Variants in CRACD observed in about 807,000 individuals in gnomAD.
The protein encoded by CRACD is capping protein inhibiting regulator of actin dynamics.
Under a neutral mutation model 106.8 loss-of-function variants are expected in CRACD, and 56 were observed. The observed-to-expected ratio is 0.52, with a 90% confidence interval of 0.42 to 0.66. The LOEUF (loss-of-function observed/expected upper bound fraction) is 0.66. CRACD is among the 30% of genes least tolerant of loss of function. CRACD has a pLI of 0.00. For missense variants in CRACD, 1,730 were observed against 1,623.2 expected, an observed-to-expected ratio of 1.07 and a Z score of -1.13; for synonymous variants, 754 against 670.8, an observed-to-expected ratio of 1.12 and a Z score of -1.92.
intron 3 of CRACD, among the ~76,000 whole-genome samples, chr4:56,282,838 T>A (rs924373445): frequency 4.6e-5 from 7 of 152,214 alleles, no homozygotes; most frequent in African/African-American, 7.2e-5. Flanking sequence ...CCAAACTGCC[T>A]CTTGCTTTTC....
chr4:56,256,265 G>C (rs1741354238), intron 2 of CRACD, among the ~76,000 whole-genome samples: 1 of 152,106 alleles, frequency 6.6e-6, no homozygotes, highest in Non-Finnish European at 1.5e-5. Context: ...GAGGTCAGAT[G>C]GTTTTATAAA....
intron 1 of CRACD, among the ~76,000 whole-genome samples, chr4:56,098,515 A>G (rs1302495405): frequency 6.6e-6 from 1 of 152,172 alleles, no homozygotes; most frequent in Non-Finnish European, 1.5e-5. Context: ...GGTTTTTCTG[A>G]TGTACTCTGT....
chr4:56,294,297 A>G (rs181297072), intron 3 of CRACD, among the ~76,000 whole-genome samples: 1 of 152,138 alleles, frequency 6.6e-6, no homozygotes, highest in Non-Finnish European at 1.5e-5. Flanking sequence ...TGGTTATAAG[A>G]TCAATATATA....
intron 2 of CRACD, among the ~76,000 whole-genome samples, chr4:56,271,102 T>C (rs1489395656): frequency 2.3e-5 from 3 of 132,548 alleles, no homozygotes; most frequent in Non-Finnish European, 4.7e-5. Flanking sequence ...TGAAACTCCA[T>C]CTCAAAAAAA....
intron 1 of CRACD, among the ~76,000 whole-genome samples, chr4:56,144,957 T>C (rs1387997054): frequency 1.3e-5 from 2 of 151,800 alleles, no homozygotes; most frequent in African/African-American, 2.4e-5. Context: ...CCCAGCTAAT[T>C]TTGTGTTTTT....
chr4:56,178,288 C>A (rs976120499), intron 1 of CRACD, among the ~76,000 whole-genome samples: 1 of 152,166 alleles, frequency 6.6e-6, no homozygotes, highest in Non-Finnish European at 1.5e-5. Context: ...AAGGTCCGTT[C>A]ACTTTATGTT....
intron 1 of CRACD, among the ~76,000 whole-genome samples, chr4:56,093,979 G>T (rs750490979): frequency 3.1e-4 from 47 of 152,248 alleles, no homozygotes; most frequent in Non-Finnish European, 5.4e-4. Flanking sequence ...AATTTAAATT[G>T]TTATCACTTG....
At chr4:56,100,895 G>C (rs1368219691) in intron 1 of CRACD, among the ~76,000 whole-genome samples, 1 of 152,188 alleles carries the variant, frequency 6.6e-6, no homozygotes, top group Non-Finnish European at 1.5e-5. Context: ...TCAAGTGTGA[G>C]CAAGAGAATG....
chr4:56,310,661 T>G lies in CRACD; in HGVS notation c.286-5T>G, dbSNP rs1217358475. On this transcript the variant is annotated splice_polypyrimidine_tract_variant and splice_region_variant and intron_variant, in intron 5 of 10. Coordinates refer to ENST00000682029, the MANE Select transcript of CRACD (RefSeq NM_001393381.1). ...TTTGACTTGAATGCTCTCTTACTGT[T>G]CCAGTCCAGTGATACGCCAAGTTCT... is the stretch of plus-strand genomic sequence containing the variant. The G allele has an allele frequency of 6.2e-7, 1 of 1,603,954 alleles. No individual in the cohort carries two copies. The highest frequency in any genetic ancestry group is 1.7e-5 in the Admixed American group (1 of 60,008).
intron 1 of CRACD, among the ~76,000 whole-genome samples, chr4:56,173,651 A>G (rs751558417): frequency 3.3e-5 from 5 of 152,258 alleles, no homozygotes; most frequent in African/African-American, 7.2e-5. Flanking sequence ...TATGGATTCC[A>G]TATTTGTCAA....
chr4:56,276,564 T>G (rs535273333), intron 3 of CRACD, among the ~76,000 whole-genome samples: 2 of 152,342 alleles, frequency 1.3e-5, no homozygotes, highest in African/African-American at 4.8e-5. Context: ...ATTGATATTA[T>G]TATCAACAGT....
intron 1 of CRACD, among the ~76,000 whole-genome samples, chr4:56,070,343 T>A (rs56389699): frequency 3.4e-5 from 5 of 148,732 alleles, no homozygotes; most frequent in African/African-American, 7.5e-5. Context: ...TCTGTCGCCC[T>A]GGCTGGAGTA....
At chr4:56,269,546 C>T (rs796958034) in intron 2 of CRACD, among the ~76,000 whole-genome samples, 12 of 145,200 alleles carry the variant, frequency 8.3e-5, no homozygotes, top group East Asian at 8.1e-4. Context: ...GGAGCAAGGT[C>T]GGGGGAGGTG....
In CRACD at chr4:56,104,248, T is replaced by G. The variant is rs549132064; in HGVS notation, c.-336+54949T>G. ...CTCACATCTACAAAAAATAAAAAAA[T>G]TAACTGGACATGGCATGCGCCTATA... On this transcript the variant is annotated intron_variant, in intron 1 of 10. Transcript: ENST00000682029. Among the ~76,000 whole-genome samples the G allele has an allele frequency of 1.4e-3, 219 of 152,100 alleles. 2 individuals carry two copies. Among genetic ancestry groups the G allele is most frequent in the Non-Finnish European group, 2.7e-3 (183 of 68,006 alleles).
intron 2 of CRACD, among the ~76,000 whole-genome samples, chr4:56,224,805 C>T (rs1739214758): frequency 6.6e-6 from 1 of 152,208 alleles, no homozygotes; most frequent in South Asian, 2.1e-4. Flanking sequence ...CACATAGTGT[C>T]TTTTGGCTTA....
At chr4:56,170,142 C>CA (rs1736304879) in intron 1 of CRACD, 1 of 152,418 alleles carries the variant, frequency 6.6e-6, no homozygotes, top group African/African-American at 2.4e-5. Context: ...CGAATGCCGA[C>CA]ATCACAAACA....
chr4:56,288,340 C>T, intron 3 of CRACD: 2 of 303,882 alleles, frequency 6.6e-6, no homozygotes, highest in Non-Finnish European at 1.3e-5. Context: ...ATCCAGTCAC[C>T]CAGATAGTGA....
chr4:56,110,711 C>T (rs542511184), intron 1 of CRACD, among the ~76,000 whole-genome samples: 22 of 152,204 alleles, frequency 1.4e-4, no homozygotes, highest in African/African-American at 5.1e-4. Context: ...ATTCTTGTGC[C>T]TCAGCCTCCC....
At chr4:56,051,448 G>A (rs2412726) in intron 1 of CRACD, among the ~76,000 whole-genome samples, 54,047 of 151,898 alleles carry the variant, frequency 0.36, 10,833 homozygotes, top group African/African-American at 0.55. Context: ...GTAACTGAGT[G>A]GCACAATAGA....
Sources: allele counts gnomAD v4.1 joint callset (sites outside exome capture counted in the v4.1 genomes callset), GRCh38; gene constraint gnomAD v4.1.1; transcripts MANE v1.5; gene names NCBI Gene and HGNC (gene_info 2026-07-23, HGNC 2026-07-21).